XXYLT1: variants seen among roughly 807,000 people sequenced by gnomAD.
XXYLT1 encodes UDP-xylose:alpha-xyloside alpha-1,3-xylosyltransferase.
Under a neutral mutation model 28.9 loss-of-function variants are expected in XXYLT1, and 20 were observed. The ratio of observed to expected loss-of-function variants is 0.69; its 90% CI spans 0.49 to 1.00. The LOEUF (loss-of-function observed/expected upper bound fraction) is 1.00, where lower values mean the gene tolerates loss of function less well. Among genes scored for constraint, XXYLT1 ranks in the 50% least tolerant of loss-of-function variants. The pLI is 0.00. For synonymous variants in XXYLT1, 257 were observed against 253.8 expected, an observed-to-expected ratio of 1.01 and a Z score of -0.12; for missense variants, 542 against 560.1, an observed-to-expected ratio of 0.97 and a Z score of 0.33.
At chr3:195,143,951 A>C (rs1297634681) in intron 3 of XXYLT1, among the ~76,000 whole-genome samples, 1 of 145,640 alleles carries the variant, frequency 6.9e-6, no homozygotes, top group Admixed American at 6.9e-5. Flanking sequence ...GCTGGAGTGC[A>C]AGGGCGAGAT....
chr3:195,071,080 G>C (rs1304882484), intron 3 of XXYLT1, among the ~76,000 whole-genome samples: 1 of 152,206 alleles, frequency 6.6e-6, no homozygotes, highest in African/African-American at 2.4e-5. Context: ...CATGTGTGCT[G>C]CAAGGGGTGT....
intron 3 of XXYLT1, among the ~76,000 whole-genome samples, chr3:195,087,740 A>AC (rs779830469): frequency 6.6e-6 from 1 of 152,186 alleles, no homozygotes. Context: ...GACGCAGAAG[A>AC]CGGTGATTTC....
chr3:195,186,518 C>T (rs1238339658), intron 2 of XXYLT1, among the ~76,000 whole-genome samples: 3 of 152,122 alleles, frequency 2.0e-5, no homozygotes, highest in Non-Finnish European at 4.4e-5. Context: ...AATATGCTCT[C>T]GGCCTCACTC....
intron 1 of XXYLT1, among the ~76,000 whole-genome samples, chr3:195,232,770 T>C (rs938114918): frequency 6.6e-6 from 1 of 152,236 alleles, no homozygotes; most frequent in Non-Finnish European, 1.5e-5. Flanking sequence ...TTTTTTGGAA[T>C]GTTTTAAGAT....
chr3:195,097,654 A>C (rs1288302015), intron 3 of XXYLT1, among the ~76,000 whole-genome samples: 1 of 152,118 alleles, frequency 6.6e-6, no homozygotes, highest in Non-Finnish European at 1.5e-5. Context: ...TGGAGCCCCC[A>C]CTGATAAGAC....
At chr3:195,147,181 G>A (rs1560119259) in intron 3 of XXYLT1, among the ~76,000 whole-genome samples, 2 of 152,108 alleles carry the variant, frequency 1.3e-5, no homozygotes, top group African/African-American at 4.8e-5. Context: ...TCTCCCTCAC[G>A]TTATATCTTC....
intron 3 of XXYLT1, among the ~76,000 whole-genome samples, chr3:195,110,328 G>GC (rs1560100810): frequency 4.9e-5 from 1 of 20,536 alleles, no homozygotes; most frequent in Non-Finnish European, 9.4e-5. Context: ...GTGAGGGTGA[G>GC]GTGTGTGTAT....
At position 195,240,331 on chromosome 3, in the gene XXYLT1, G is replaced by A. The variant is rs1455625603; in HGVS notation, c.505-13475C>T. Among the ~76,000 whole-genome samples the A allele has an allele frequency of 6.6e-6, 1 of 152,242 alleles. No individual in the cohort carries two copies. Among genetic ancestry groups the A allele is most frequent in the African/African-American group, 2.4e-5 (1 of 41,466 alleles). ...CAGTCATGGCAGAGCCTGGTGCCAG[G>A]CAGAAGCAGGCGTCTTTGCCACCCA... On this transcript the variant is annotated intron_variant, in intron 1 of 3. Transcript: ENST00000310380. The surrounding 1 kb of genome is among the most constrained non-coding windows in gnomAD (Gnocchi z 4.7).
At chr3:195,107,827 C>A (rs1717236257) in intron 3 of XXYLT1, among the ~76,000 whole-genome samples, 1 of 151,988 alleles carries the variant, frequency 6.6e-6, no homozygotes, top group South Asian at 2.1e-4. Flanking sequence ...AGAGACACCA[C>A]CTCCTTTCTT....
chr3:195,125,520 T>A (rs1440247905), intron 3 of XXYLT1, among the ~76,000 whole-genome samples: 6 of 151,970 alleles, frequency 3.9e-5, no homozygotes, highest in Non-Finnish European at 8.8e-5. Flanking sequence ...GGGTGGGCAA[T>A]GGGGAAGAGC....
intron 1 of XXYLT1, chr3:195,259,519 C>T (rs1016709421): frequency 2.1e-6 from 2 of 974,562 alleles, no homozygotes. Context: ...GCCAGGCGGC[C>T]CTTCCAGCAA....
chr3:195,213,715 T>C (rs1351753890), intron 2 of XXYLT1, among the ~76,000 whole-genome samples: 1 of 152,240 alleles, frequency 6.6e-6, no homozygotes, highest in African/African-American at 2.4e-5. Context: ...TATCAGAGCT[T>C]TTGGTTTGCT....
chr3:195,198,148 AT>A (rs1264222130), intron 2 of XXYLT1, among the ~76,000 whole-genome samples: 1 of 152,238 alleles, frequency 6.6e-6, no homozygotes, highest in Non-Finnish European at 1.5e-5. Context: ...GGCTTGGGTT[AT>A]AAAAATTAAG....
rs1725527285 is a variant in XXYLT1, at chr3:195,257,570, C to A, written c.504+12985G>T. Among the ~76,000 whole-genome samples the A allele has an allele frequency of 1.3e-5, 2 of 152,184 alleles. No homozygotes were observed. The highest frequency in any genetic ancestry group is 4.8e-5 in the African/African-American group (2 of 41,456). On this transcript the variant is annotated intron_variant, in intron 1 of 3. Coordinates refer to ENST00000310380, the MANE Select transcript of XXYLT1 (RefSeq NM_152531.5). The surrounding 1 kb of genome is among the most constrained non-coding windows in gnomAD (Gnocchi z 4.3). ...GGAAGTGGCCGGGGTACACCACAAC[C>A]CCAGGCAGTCCAGCCAGGTGGATCA...
chr3:195,093,619 A>G (rs1716238237), intron 3 of XXYLT1: 1 of 151,652 alleles, frequency 6.6e-6, no homozygotes, highest in South Asian at 2.1e-4. Context: ...AGCATGGCAC[A>G]TGTATACATA....
rs1047097477 is a variant in XXYLT1, at chr3:195,255,789, C to T, written c.504+14766G>A. Among the ~76,000 whole-genome samples the T allele has an allele frequency of 8.6e-5, 13 of 151,996 alleles. No homozygotes were observed. Among genetic ancestry groups the T allele is most frequent in the Non-Finnish European group, 1.6e-4 (11 of 67,976 alleles). On this transcript the variant is annotated intron_variant, in intron 1 of 3. Coordinates refer to ENST00000310380, the MANE Select transcript of XXYLT1 (RefSeq NM_152531.5). The surrounding 1 kb of genome is among the most constrained non-coding windows in gnomAD (Gnocchi z 4.5). ...CTTGGCCTCTCTGGGCCCCCGTTTT[C>T]TCATGGATAACATGAATAGACTCAA...
chr3:195,088,106 G>A (rs1164039991), intron 3 of XXYLT1, among the ~76,000 whole-genome samples: 2 of 151,844 alleles, frequency 1.3e-5, no homozygotes, highest in Non-Finnish European at 2.9e-5. Flanking sequence ...CGAGGCTGGG[G>A]GAGGGGCGCC....
At chr3:195,237,574 A>G (rs983097369) in intron 1 of XXYLT1, among the ~76,000 whole-genome samples, 9 of 99,746 alleles carry the variant, frequency 9.0e-5, no homozygotes, top group African/African-American at 3.5e-4. Context: ...ATCGTTGTCA[A>G]ATTTGGTGTT....
intron 2 of XXYLT1, among the ~76,000 whole-genome samples, chr3:195,200,700 T>A (rs1331155625): frequency 2.6e-5 from 4 of 152,172 alleles, no homozygotes; most frequent in Non-Finnish European, 5.9e-5. Flanking sequence ...CTGTCTAAAT[T>A]AGGCGGGAAG....
Sources: allele counts gnomAD v4.1 joint callset (sites outside exome capture counted in the v4.1 genomes callset), GRCh38; gene constraint gnomAD v4.1.1; non-coding constraint Gnocchi (gnomAD v3.1); transcripts MANE v1.5; gene names NCBI Gene and HGNC (gene_info 2026-07-23, HGNC 2026-07-21).